The following POLH variants were observed in gnomAD, a reference collection of about 807,000 sequenced individuals.
POLH encodes the protein DNA polymerase eta transcript.
POLH carries 53 observed loss-of-function variants against 73.6 expected under a neutral mutation model. The observed-to-expected ratio is 0.72, with a 90% CI of 0.58 to 0.91. The LOEUF (loss-of-function observed/expected upper bound fraction) is 0.91, where lower values mean the gene tolerates loss of function less well. Among genes scored for constraint, POLH ranks in the 40% least tolerant of loss-of-function variants. The pLI, the probability that POLH is intolerant of heterozygous loss-of-function variation, is 0.00. For synonymous variants in POLH, 292 were observed against 308.5 expected (o/e 0.95, Z 0.56); for missense variants, 768 against 865.4 (o/e 0.89, Z 1.41).
chr6:43,587,059 T>C lies in POLH; in HGVS notation c.273-213T>C, dbSNP rs3818676. 1.5e-3 allele frequency among the ~76,000 whole-genome samples: 225 copies of C among 152,328 alleles called. 1 individual carries two copies. In the East Asian group the frequency reaches 0.018, roughly 12 times the overall value. On this transcript the variant is annotated intron_variant, in intron 3 of 10. Transcript: ENST00000372236. ...GGTAGTTCTGGCATTGTGCTAAAAA[T>C]GTTTGCCTCCGTGATTCTTCCTTTT...
chr6:43,602,763 G>A (rs1012783756), intron 6 of POLH, among the ~76,000 whole-genome samples: 5 of 151,962 alleles, frequency 3.3e-5, no homozygotes, highest in Non-Finnish European at 5.9e-5. Flanking sequence ...CACCTCCTGG[G>A]TTCAAGCGAT....
intron 4 of POLH, among the ~76,000 whole-genome samples, chr6:43,593,878 C>CAAA (rs768129925): frequency 0.011 from 898 of 85,008 alleles, 25 homozygotes; most frequent in African/African-American, 0.032. Flanking sequence ...GACTCCGTCT[C>CAAA]AAAAAAAAAA....
chr6:43,599,544 T>C (rs1298832418), intron 5 of POLH, among the ~76,000 whole-genome samples: 2 of 152,018 alleles, frequency 1.3e-5, no homozygotes, highest in East Asian at 1.9e-4. Flanking sequence ...AGCTCAGTAA[T>C]TGGGCAGTGG....
At chr6:43,584,819 C>T (rs943858836) in intron 3 of POLH, among the ~76,000 whole-genome samples, 1 of 152,218 alleles carries the variant, frequency 6.6e-6, no homozygotes, top group African/African-American at 2.4e-5. Flanking sequence ...AGAACACTTA[C>T]TTATGTTTAT....
rs781723095 is a variant in POLH, at chr6:43,587,452, C to T, written c.453C>T (p.Pro151=). ...LLPSTYIEGL[P]QGPTTAEETV... is the part of the protein sequence containing the mutation. ...CAAGCACTTACATTGAAGGGTTGCC[C>T]CAAGGCCCTACAACGGCAGAAGAGA... The change falls in exon 4 of 11, where the codon CCC becomes CCT. Residue 151 remains proline (P), a synonymous_variant. Coordinates refer to ENST00000372236, the MANE Select transcript of POLH (RefSeq NM_006502.3). 4.3e-6 allele frequency: 7 copies of T among 1,614,094 alleles called. No homozygotes were observed. The South Asian group carries it at 6.6e-5, about 15-fold the overall frequency.
chr6:43,591,997 C>T (rs986334885), intron 4 of POLH, among the ~76,000 whole-genome samples: 22 of 152,138 alleles, frequency 1.4e-4, no homozygotes, highest in Admixed American at 1.4e-3. Flanking sequence ...TACCTATGTA[C>T]ATTTTTTTAT....
At chr6:43,607,101 GTTTTT>G (rs777998024) in intron 9 of POLH, among the ~76,000 whole-genome samples, 16 of 152,128 alleles carry the variant, frequency 1.1e-4, no homozygotes, top group Admixed American at 7.9e-4. Flanking sequence ...TGTTTGTTTT[GTTTTT>G]GTTTTTTGAG....
chr6:43,578,100 T>C (rs2127765356), intron 1 of POLH, among the ~76,000 whole-genome samples: 1 of 149,856 alleles, frequency 6.7e-6, no homozygotes, highest in South Asian at 2.1e-4. Context: ...AAAATCCCCA[T>C]GCTAGGCCGA....
rs1184781249 is a variant in POLH, at chr6:43,617,259, C to T, written c.*2702C>T. Among the ~76,000 whole-genome samples the T allele has an allele frequency of 6.6e-6, 1 of 152,196 alleles. No homozygotes were observed. Among genetic ancestry groups the T allele is most frequent in the Non-Finnish European group, 1.5e-5 (1 of 68,040 alleles). On this transcript the variant is annotated 3_prime_UTR_variant, in exon 11 of 11. Transcript: ENST00000372236. Reference sequence around the variant, plus strand: ...ATTTGAGGAACAGCAGCCTCAGTATCACCAGGGAACTTATTAGAAATAGTC... The same window carrying T: ...ATTTGAGGAACAGCAGCCTCAGTATTACCAGGGAACTTATTAGAAATAGTC...
chr6:43,581,848 G>A (rs1253482846), intron 1 of POLH, among the ~76,000 whole-genome samples: 1 of 151,098 alleles, frequency 6.6e-6, no homozygotes, highest in Non-Finnish European at 1.5e-5. Flanking sequence ...CTAAGCCACC[G>A]ACCCCAGCCC....
Position 43,613,831 on chromosome 6 carries a change from CACTAAG to C in POLH, c.1418_1423del (p.Thr473_Lys474del), listed in dbSNP as rs1276240965. The C allele has an allele frequency of 6.2e-7, 1 of 1,614,104 alleles. No homozygotes were observed. Among genetic ancestry groups the C allele is most frequent in the African/African-American group, 1.3e-5 (1 of 74,926 alleles). Reference sequence around the variant, plus strand: ...AGGGAAGTGGCCCAGCGGTGACAGCCACTAAGAAAGCAACCACGTCTCTGGAATCAT... The same window carrying C: ...AGGGAAGTGGCCCAGCGGTGACAGCCAAAGCAACCACGTCTCTGGAATCAT... On this transcript the variant is annotated inframe_deletion, in exon 11 of 11. Transcript: ENST00000372236.
At position 43,583,035 on chromosome 6, in the gene POLH, G is replaced by A. The variant is rs1561897575; in HGVS notation, c.166G>A (p.Ala56Thr). ...GIIAVSYEARAFGVTRSMWAD... is the reference protein window; with the variant it reads ...GIIAVSYEARTFGVTRSMWAD... ...AATTGCAGTGAGTTATGAAGCTCGTGCATTTGGAGTCACTAGAAGTATGTG... is the reference window on the plus strand; with the variant it reads ...AATTGCAGTGAGTTATGAAGCTCGTACATTTGGAGTCACTAGAAGTATGTG... Residue 56 changes from alanine to threonine, a missense_variant, in exon 3 of 11, where the codon GCA becomes ACA. Physicochemically the swap from Ala to Thr is moderately conservative, Grantham distance 58. Coordinates refer to ENST00000372236, the MANE Select transcript of POLH (RefSeq NM_006502.3). 3 of 1,613,610 alleles carry A rather than the reference G, an allele frequency of 1.9e-6. No homozygotes were observed. Among genetic ancestry groups the A allele is most frequent in the Non-Finnish European group, 2.5e-6 (3 of 1,179,636 alleles).
At position 43,603,855 on chromosome 6, in the gene POLH, A is replaced by G. The variant is rs2307461; in HGVS notation, c.765-37A>G. The G allele has an allele frequency of 3.9e-4, 626 of 1,609,616 alleles. 3 individuals carry two copies. The African/African-American group carries it at 4.2e-3, about 11-fold the overall frequency. On this transcript the variant is annotated intron_variant, in intron 6 of 10. Transcript: ENST00000372236. ...GTTTGCTGCTAATTAGATAGTTATG[A>G]TGTGACCTATCAATTCTTTGTCTCC... is the stretch of plus-strand genomic sequence containing the variant.
In POLH at chr6:43,606,156, T is replaced by TA. The variant is rs59619375; in HGVS notation, c.1074+851dup. 8.5e-3 allele frequency among the ~76,000 whole-genome samples: 1,203 copies of TA among 141,666 alleles called. 7 individuals carry two copies. Among genetic ancestry groups the TA allele is most frequent in the African/African-American group, 0.022 (861 of 38,876 alleles). 92.9% of individuals were successfully genotyped at this position (141,666 alleles called of 152,430 possible). The stretch of plus-strand genomic sequence containing the variant: ...ATCTATCATTTCACATACTTTTTTG[T>TA]AAAAAAAAAAAAAAGTAGTTAAAAT... On this transcript the variant is annotated intron_variant, in intron 9 of 10. Transcript: ENST00000372236.
chr6:43,578,927 CTA>C (rs1235875233), intron 1 of POLH, among the ~76,000 whole-genome samples: 5 of 151,992 alleles, frequency 3.3e-5, no homozygotes, highest in Non-Finnish European at 4.4e-5. Context: ...TGCCAATTGG[CTA>C]TGTTTGTATT....
At chr6:43,610,507 A>G (rs374173132) in intron 9 of POLH, 47 bp from the exon 10 acceptor site, 1 of 1,517,602 alleles carries the variant, frequency 6.6e-7, no homozygotes, top group East Asian at 2.3e-5. Context: ...TAGAATTCAG[A>G]TGCTCCTCAT....
At chr6:43,598,671 A>T (rs1460641023) in intron 5 of POLH, among the ~76,000 whole-genome samples, 1 of 151,946 alleles carries the variant, frequency 6.6e-6, no homozygotes, top group South Asian at 2.1e-4. Flanking sequence ...AAAACCATAC[A>T]CTATAAGAAC....
chr6:43,601,086 C>T lies in POLH; in HGVS notation c.759C>T (p.Arg253=). 6.2e-7 allele frequency: 1 copy of T among 1,603,328 alleles called. No individual in the cohort carries two copies. Among genetic ancestry groups the T allele is most frequent in the South Asian group, 1.1e-5 (1 of 90,848 alleles). The change falls in exon 6 of 11, where the codon CGC becomes CGT. Residue 253 remains arginine (R), a synonymous_variant. Coordinates refer to ENST00000372236, the MANE Select transcript of POLH (RefSeq NM_006502.3). The part of the protein sequence containing the change: ...VPQLFSQMPI[R]KIRSLGGKLG... ...AGCTCTTCAGCCAAATGCCCATTCG[C>T]AAAATGTAAGTATTCAGGCAGCATG...
At chr6:43,598,023 G>T (rs1023012195) in intron 5 of POLH, among the ~76,000 whole-genome samples, 158 bp downstream of exon 5, 1 of 151,876 alleles carries the variant, frequency 6.6e-6, no homozygotes, top group African/African-American at 2.4e-5. Flanking sequence ...GAGCAGCCTG[G>T]GAAACATGTT....
Sources: gnomAD v4.1 joint callset for allele counts (sites outside exome capture counted in the v4.1 genomes callset) on GRCh38, gnomAD v4.1.1 for gene constraint, MANE v1.5 for transcripts, NCBI Gene and HGNC (gene_info 2026-07-23, HGNC 2026-07-21) for gene names.